Variants in MACROD2 observed in about 807,000 individuals in gnomAD.
MACROD2 encodes the protein ADP-ribose glycohydrolase MACROD2.
A neutral mutation model predicts 70.4 loss-of-function variants in MACROD2; 36 were observed. The observed-to-expected ratio is 0.51, with a 90% confidence interval of 0.39 to 0.68. MACROD2 has a LOEUF of 0.68. Ranked by LOEUF, MACROD2 falls within the 30% of genes least tolerant of loss-of-function variation. MACROD2 has a pLI of 0.00. For synonymous variants in MACROD2, 172 were observed against 178.8 expected (o/e 0.96, Z 0.30); for missense variants, 496 against 538.4 (o/e 0.92, Z 0.78).
intron 6 of MACROD2, among the ~76,000 whole-genome samples, chr20:15,345,424 C>G (rs2078155480): frequency 6.6e-6 from 1 of 152,110 alleles, no homozygotes; most frequent in South Asian, 2.1e-4. Flanking sequence ...AATATTAGTT[C>G]CATTAGGGAT....
chr20:15,540,313 T>C (rs1016690529), intron 8 of MACROD2, among the ~76,000 whole-genome samples: 1 of 152,160 alleles, frequency 6.6e-6, no homozygotes, highest in Non-Finnish European at 1.5e-5. Context: ...TCCTACAGTG[T>C]GCAAGGATTT....
chr20:14,789,159 T>G (rs1043404222), intron 5 of MACROD2, among the ~76,000 whole-genome samples: 12 of 152,088 alleles, frequency 7.9e-5, no homozygotes, highest in Admixed American at 2.0e-4. Context: ...TTCTAATTCA[T>G]CCATTAAAAA....
intron 5 of MACROD2, among the ~76,000 whole-genome samples, chr20:14,969,447 C>A (rs1307753956): frequency 6.6e-6 from 1 of 151,350 alleles, no homozygotes; most frequent in Non-Finnish European, 1.5e-5. Flanking sequence ...ACTCCTCTAC[C>A]TATGACCATG....
chr20:14,714,235 C>T (rs923885239), intron 5 of MACROD2, among the ~76,000 whole-genome samples: 2 of 151,948 alleles, frequency 1.3e-5, no homozygotes, highest in Admixed American at 6.6e-5. Flanking sequence ...GGATAGAGGA[C>T]GAGTGTCTAC....
At chr20:14,149,176 T>A (rs2054981609) in intron 3 of MACROD2, among the ~76,000 whole-genome samples, 1 of 143,182 alleles carries the variant, frequency 7.0e-6, no homozygotes, top group African/African-American at 2.5e-5. Flanking sequence ...CATCTTTATA[T>A]CTATAAGTAC....
intron 5 of MACROD2, among the ~76,000 whole-genome samples, chr20:14,876,641 A>G (rs2073554296): frequency 1.3e-5 from 2 of 152,116 alleles, no homozygotes; most frequent in African/African-American, 4.8e-5. Context: ...TACTTTTTGT[A>G]TATGATGAAA....
intron 7 of MACROD2, among the ~76,000 whole-genome samples, chr20:15,483,531 G>C (rs6034204): frequency 0.82 from 124,900 of 152,102 alleles, 51,738 homozygotes; most frequent in East Asian, 0.94. Context: ...CTATTCTGGG[G>C]CTTTTATCTC....
intron 3 of MACROD2, among the ~76,000 whole-genome samples, chr20:14,455,968 C>G (rs1329898920): frequency 6.6e-6 from 1 of 151,666 alleles, no homozygotes; most frequent in Non-Finnish European, 1.5e-5. Context: ...CTGGCTTAAA[C>G]AATCAATTAC....
intron 5 of MACROD2, among the ~76,000 whole-genome samples, chr20:14,868,285 TC>T (rs2073450028): frequency 6.6e-6 from 1 of 151,784 alleles, no homozygotes; most frequent in Non-Finnish European, 1.5e-5. Context: ...ACTCCTTGGT[TC>T]AAGGGATCCT....
At chr20:14,303,344 C>T (rs1200561419) in intron 3 of MACROD2, among the ~76,000 whole-genome samples, 2 of 152,152 alleles carry the variant, frequency 1.3e-5, no homozygotes, top group Admixed American at 6.5e-5. Flanking sequence ...AAGCATCCAC[C>T]ACGCCCCAGA....
chr20:15,812,704 G>A (rs1156597272), intron 8 of MACROD2, among the ~76,000 whole-genome samples: 1 of 152,146 alleles, frequency 6.6e-6, no homozygotes, highest in Admixed American at 6.5e-5. Flanking sequence ...ATTTGTTTGA[G>A]TAGGTAAGTA....
Position 15,347,069 on chromosome 20 carries a change from T to C in MACROD2, c.541-84336T>C, listed in dbSNP as rs146458971. Among the ~76,000 whole-genome samples, 653 of 152,332 alleles carry C rather than the reference T, an allele frequency of 4.3e-3. 16 individuals are homozygous for C. Among genetic ancestry groups the C allele is most frequent in the South Asian group, 2.3e-3 (11 of 4,830 alleles). On this transcript the variant is annotated intron_variant, in intron 6 of 17. Coordinates refer to ENST00000684519, the MANE Select transcript of MACROD2 (RefSeq NM_001351661.2). ...TCACAACTTTTTATTGGACCAGTTC[T>C]ATGCCAGGTGACTCTGTACTGAGTC...
At chr20:14,439,014 C>T (rs2084090325) in intron 3 of MACROD2, among the ~76,000 whole-genome samples, 1 of 152,108 alleles carries the variant, frequency 6.6e-6, no homozygotes, top group South Asian at 2.1e-4. Context: ...CCGTATTTCT[C>T]CTAAGACTTT....
intron 3 of MACROD2, among the ~76,000 whole-genome samples, chr20:14,166,081 A>C (rs1391787681): frequency 6.6e-6 from 1 of 152,228 alleles, no homozygotes; most frequent in Non-Finnish European, 1.5e-5. Context: ...ATAATGTATC[A>C]ATAGTGAATG....
chr20:14,852,196 G>A (rs571595868), intron 5 of MACROD2, among the ~76,000 whole-genome samples: 4 of 152,044 alleles, frequency 2.6e-5, no homozygotes, highest in African/African-American at 4.8e-5. Flanking sequence ...CAGTCTGGCC[G>A]ATGTGAGATC....
chr20:14,086,274 A>G, intron 3 of MACROD2: 1 of 297,304 alleles, frequency 3.4e-6, no homozygotes, highest in South Asian at 3.1e-5. Context: ...TGTCTAGTTA[A>G]TTTTCCTATT....
intron 5 of MACROD2, among the ~76,000 whole-genome samples, chr20:15,167,405 A>G (rs2076393104): frequency 6.6e-6 from 1 of 152,138 alleles, no homozygotes; most frequent in Non-Finnish European, 1.5e-5. Flanking sequence ...CCTGCAAAGC[A>G]CTGTTAAGTG....
chr20:14,877,389 A>G (rs78563461), intron 5 of MACROD2, among the ~76,000 whole-genome samples: 4,880 of 152,150 alleles, frequency 0.032, 108 homozygotes, highest in Middle Eastern at 0.12. Context: ...ATAGAATCTT[A>G]CATCAGTGAA....
At chr20:14,153,257 C>T (rs549464694) in intron 3 of MACROD2, among the ~76,000 whole-genome samples, 14 of 152,066 alleles carry the variant, frequency 9.2e-5, no homozygotes, top group African/African-American at 3.1e-4. Flanking sequence ...ACAATCTTTT[C>T]GAGTGAGAAA....
Sources: gnomAD v4.1 joint callset for allele counts (sites outside exome capture counted in the v4.1 genomes callset) on GRCh38, gnomAD v4.1.1 for gene constraint, MANE v1.5 for transcripts, NCBI Gene and HGNC (gene_info 2026-07-23, HGNC 2026-07-21) for gene names.